RBFOX1: variants seen among roughly 807,000 people sequenced by gnomAD.
RBFOX1 encodes RNA binding protein fox-1 homolog 1.
Under a neutral mutation model 57.7 loss-of-function variants are expected in RBFOX1, and 8 were observed. That is an observed-to-expected ratio of 0.14 (90% CI 0.08 to 0.25). The LOEUF is 0.25. RBFOX1 is among the 10% of genes least tolerant of loss of function. The probability of loss-of-function intolerance (pLI) is 1.00; values close to 1 mark genes in which losing one functional copy is unlikely to be tolerated. For synonymous variants in RBFOX1, 326 were observed against 222.4 expected, an observed-to-expected ratio of 1.47 and a Z score of -4.15; for missense variants, 611 against 548.5, an observed-to-expected ratio of 1.11 and a Z score of -1.14.
chr16:6,920,604 C>G (rs895925778), intron 3 of RBFOX1, among the ~76,000 whole-genome samples: 1 of 152,140 alleles, frequency 6.6e-6, no homozygotes, highest in Non-Finnish European at 1.5e-5. Context: ...AGTCTGAAAT[C>G]AAGATGTGGA....
At chr16:5,438,066 A>C (rs1344563931) in intron 1 of RBFOX1, among the ~76,000 whole-genome samples, 2 of 152,234 alleles carry the variant, frequency 1.3e-5, no homozygotes, top group Non-Finnish European at 1.5e-5. Flanking sequence ...GCTTGGGTAG[A>C]TGACCCATTG....
intron 4 of RBFOX1, among the ~76,000 whole-genome samples, chr16:7,312,559 T>C (rs2096340368): frequency 6.6e-6 from 1 of 152,160 alleles, no homozygotes; most frequent in African/African-American, 2.4e-5. Flanking sequence ...CTCCGGGTCT[T>C]CTTGGTTCCA....
At chr16:6,084,215 A>G (rs1439255519) in intron 1 of RBFOX1, among the ~76,000 whole-genome samples, 1 of 151,996 alleles carries the variant, frequency 6.6e-6, no homozygotes, top group African/African-American at 2.4e-5. Context: ...GCAGTATTTA[A>G]TGGTCCTTCC....
At chr16:5,893,777 G>T (rs1467920526) in intron 4 of RBFOX1, among the ~76,000 whole-genome samples, 3 of 151,052 alleles carry the variant, frequency 2.0e-5, no homozygotes, top group Non-Finnish European at 4.4e-5. Flanking sequence ...CTGCACTCCA[G>T]CCTGGGTGAC....
At chr16:6,285,734 G>T (rs1425326993) in intron 1 of RBFOX1, among the ~76,000 whole-genome samples, 1 of 152,082 alleles carries the variant, frequency 6.6e-6, no homozygotes, top group Non-Finnish European at 1.5e-5. Context: ...GGGTCTGTTG[G>T]TAACCTCAGA....
rs941425599 is a variant in RBFOX1 at position 6,019,300 on chromosome 16, C to A, written c.-819C>A. On this transcript the variant is annotated 5_prime_UTR_variant, in exon 1 of 16. Coordinates refer to ENST00000550418, the MANE Select transcript of RBFOX1 (RefSeq NM_018723.4). The surrounding 1 kb of genome is among the most constrained non-coding windows in gnomAD (Gnocchi z 4.2). The stretch of plus-strand genomic sequence containing the variant: ...TCCCGAGCGCGGGGTTTGAAGGTCA[C>A]CTCCTTTCCAGTCCCCGTGCGAGCC... 4.1e-6 allele frequency: 4 copies of A among 985,352 alleles called. No individual in the cohort carries two copies. The highest frequency in any genetic ancestry group is 4.8e-6 in the Non-Finnish European group (4 of 830,238). The allele number at this position is 985,352 out of a possible 1,614,324, so 61.0% of individuals were successfully genotyped here. A position where few individuals can be genotyped will look rare whatever the true frequency, so the allele number is the denominator to read the frequency against.
intron 2 of RBFOX1, among the ~76,000 whole-genome samples, chr16:5,557,910 C>T (rs184441825): frequency 4.1e-4 from 62 of 152,298 alleles, no homozygotes; most frequent in African/African-American, 1.4e-3. Flanking sequence ...AGGTCAGAAC[C>T]AGAACAATGA....
chr16:6,989,223 T>TA (rs2090982065), intron 3 of RBFOX1, among the ~76,000 whole-genome samples: 1 of 152,188 alleles, frequency 6.6e-6, no homozygotes, highest in South Asian at 2.1e-4. Context: ...ATGTGGCTAT[T>TA]AGAAAAATTT....
At chr16:7,062,545 T>A (rs2054702765) in intron 4 of RBFOX1, among the ~76,000 whole-genome samples, 1 of 152,112 alleles carries the variant, frequency 6.6e-6, no homozygotes, top group Admixed American at 6.6e-5. Flanking sequence ...ACTTTATTAT[T>A]CTATTTGGGT....
chr16:5,932,573 C>T (rs1288513679), intron 4 of RBFOX1, among the ~76,000 whole-genome samples: 6 of 151,982 alleles, frequency 3.9e-5, no homozygotes, highest in African/African-American at 9.7e-5. Context: ...CTAAGGTTGT[C>T]GTGATTTGTT....
intron 3 of RBFOX1, among the ~76,000 whole-genome samples, chr16:6,816,173 T>G (rs1310441403): frequency 6.6e-6 from 1 of 152,064 alleles, no homozygotes; most frequent in Non-Finnish European, 1.5e-5. Context: ...TAGGTAGGTG[T>G]GGTGATGCTC....
chr16:5,334,744 C>T lies in RBFOX1; in HGVS notation c.219+94639C>T, dbSNP rs552703416. Among the ~76,000 whole-genome samples, 10 of 151,634 alleles carry T rather than the reference C, an allele frequency of 6.6e-5. No individual in the cohort carries two copies. The South Asian group carries it at 2.1e-3, about 32-fold the overall frequency. On this transcript the variant is annotated intron_variant, in intron 1 of 2. Transcript: ENST00000585867. The stretch of plus-strand genomic sequence containing the variant: ...GTTCATAGGAATAATGTACCATGGG[C>T]AATGTGGTACACTGTCCAACGTTAA...
intron 3 of RBFOX1, among the ~76,000 whole-genome samples, chr16:6,957,464 G>C (rs377516070): frequency 1.3e-5 from 2 of 152,144 alleles, no homozygotes; most frequent in African/African-American, 4.8e-5. Context: ...CCGCTTGTTA[G>C]ACCATATAGG....
At chr16:7,586,499 G>C (rs996331742) in intron 6 of RBFOX1, among the ~76,000 whole-genome samples, 27 of 152,170 alleles carry the variant, frequency 1.8e-4, no homozygotes, top group Admixed American at 7.2e-4. Context: ...CAAGTATTAA[G>C]TATAAGTATG....
intron 2 of RBFOX1, among the ~76,000 whole-genome samples, chr16:5,595,044 G>A (rs927370439): frequency 6.6e-6 from 1 of 151,782 alleles, no homozygotes; most frequent in South Asian, 2.1e-4. Context: ...TGCTCAGGAG[G>A]CTGAGGCAGG....
At chr16:5,890,727 G>T (rs1372248447) in intron 4 of RBFOX1, among the ~76,000 whole-genome samples, 1 of 143,234 alleles carries the variant, frequency 7.0e-6, no homozygotes, top group African/African-American at 2.6e-5. Flanking sequence ...AAAAAGTGAA[G>T]GTGCTGGTCT....
chr16:6,753,113 A>G (rs1012516778), intron 3 of RBFOX1, among the ~76,000 whole-genome samples: 20 of 152,152 alleles, frequency 1.3e-4, no homozygotes, highest in African/African-American at 4.8e-4. Flanking sequence ...AGTAAACATC[A>G]TGTATACTGA....
chr16:7,084,543 A>T (rs2059693120), intron 4 of RBFOX1, among the ~76,000 whole-genome samples: 1 of 152,156 alleles, frequency 6.6e-6, no homozygotes. Flanking sequence ...ATGCCCCAAA[A>T]GAAAGGGGAA....
intron 3 of RBFOX1, among the ~76,000 whole-genome samples, chr16:5,724,734 C>G (rs949657815): frequency 6.6e-6 from 1 of 152,182 alleles, no homozygotes; most frequent in Non-Finnish European, 1.5e-5. Flanking sequence ...GAGGACCCAA[C>G]AAGTTCTGAG....
Sources: allele counts gnomAD v4.1 joint callset (sites outside exome capture counted in the v4.1 genomes callset), GRCh38; gene constraint gnomAD v4.1.1; non-coding constraint Gnocchi (gnomAD v3.1); transcripts MANE v1.5; gene names NCBI Gene and HGNC (gene_info 2026-07-23, HGNC 2026-07-21).